Variants in NOS1AP observed in about 807,000 individuals in gnomAD.
NOS1AP encodes the protein carboxyl-terminal PDZ ligand of neuronal nitric oxide synthase protein.
In NOS1AP, 21 loss-of-function variants were observed where a neutral mutation model predicts 56.2. That is an observed-to-expected ratio of 0.37 (90% CI 0.26 to 0.54). The LOEUF is 0.54. NOS1AP is among the 20% of genes least tolerant of loss of function. NOS1AP has a pLI of 0.84. For synonymous variants in NOS1AP, 270 were observed against 274.6 expected (o/e 0.98, Z 0.17); for missense variants, 522 against 657.8 (o/e 0.79, Z 2.26).
chr1:162,145,204 T>A (rs1571060550), intron 1 of NOS1AP, among the ~76,000 whole-genome samples: 1 of 130,776 alleles, frequency 7.6e-6, no homozygotes, highest in South Asian at 2.3e-4. Context: ...AATGAAGACG[T>A]GGTGTGCAGC....
chr1:162,214,701 A>G (rs58969845), intron 2 of NOS1AP, among the ~76,000 whole-genome samples: 22,788 of 151,838 alleles, frequency 0.15, 2,091 homozygotes, highest in African/African-American at 0.25. Context: ...CTTATATTGT[A>G]TATTTGTTAT....
chr1:162,251,869 G>GTTTTTTTTTTTTTTTTTTTTTTTTTT (rs57313228), intron 2 of NOS1AP, among the ~76,000 whole-genome samples: 1 of 82,090 alleles, frequency 1.2e-5, no homozygotes, highest in Non-Finnish European at 2.2e-5. Flanking sequence ...TTTTTTTTTT[G>GTTTTTTTTTTTTTTTTTTTTTTTTTT]TTTTTTTTTT....
At chr1:162,112,778 C>G (rs1647759963) in intron 1 of NOS1AP, among the ~76,000 whole-genome samples, 1 of 152,118 alleles carries the variant, frequency 6.6e-6, no homozygotes, top group Non-Finnish European at 1.5e-5. Flanking sequence ...AATCATTTGC[C>G]CTAAGAACTC....
intron 1 of NOS1AP, among the ~76,000 whole-genome samples, chr1:162,117,566 C>T (rs766558081): frequency 7.9e-5 from 12 of 152,202 alleles, no homozygotes; most frequent in Non-Finnish European, 1.3e-4. Context: ...TTCCTGCTAC[C>T]CCTCAGCTGG....
intron 2 of NOS1AP, among the ~76,000 whole-genome samples, chr1:162,253,409 G>A (rs1286874779): frequency 6.6e-6 from 1 of 152,190 alleles, no homozygotes. Flanking sequence ...AGTTAAGTCT[G>A]TTTCTCATGG....
At chr1:162,366,844 C>CAA (rs1658101079) in intron 9 of NOS1AP, 4 of 643,400 alleles carry the variant, frequency 6.2e-6, no homozygotes, top group Non-Finnish European at 1.1e-5. Flanking sequence ...TACCACGTCC[C>CAA]AAAGCTCCTC....
intron 2 of NOS1AP, among the ~76,000 whole-genome samples, chr1:162,216,286 C>T (rs1652565510): frequency 6.6e-6 from 1 of 152,232 alleles, no homozygotes; most frequent in African/African-American, 2.4e-5. Flanking sequence ...AAGAAAAACC[C>T]TCTTTCACAC....
chr1:162,310,889 A>ACTCTCT (rs10667390), intron 4 of NOS1AP, among the ~76,000 whole-genome samples: 16 of 150,230 alleles, frequency 1.1e-4, no homozygotes, highest in Admixed American at 2.6e-4. Flanking sequence ...CTGTTCGCTG[A>ACTCTCT]CTCTCTCTCT....
At chr1:162,283,575 T>A (rs1017173711) in intron 2 of NOS1AP, among the ~76,000 whole-genome samples, 5 of 152,222 alleles carry the variant, frequency 3.3e-5, no homozygotes, top group Non-Finnish European at 5.9e-5. Flanking sequence ...TGTCTTCCAT[T>A]GAGTGTTCAC....
chr1:162,295,869 C>T (rs1655440272), intron 3 of NOS1AP, among the ~76,000 whole-genome samples: 1 of 152,110 alleles, frequency 6.6e-6, no homozygotes, highest in African/African-American at 2.4e-5. Context: ...GGAGTGACAC[C>T]TTGCTTGAGT....
At chr1:162,224,167 GA>G (rs541253703) in intron 2 of NOS1AP, among the ~76,000 whole-genome samples, 89 of 139,322 alleles carry the variant, frequency 6.4e-4, no homozygotes, top group South Asian at 1.1e-3. Flanking sequence ...TTTGGGGACA[GA>G]AAAAAAAAAA....
chr1:162,317,966 C>T (rs1284375210), intron 4 of NOS1AP, among the ~76,000 whole-genome samples: 3 of 152,186 alleles, frequency 2.0e-5, no homozygotes, highest in African/African-American at 7.2e-5. Flanking sequence ...TTAGCTACTT[C>T]ATAAGGGCCA....
intron 2 of NOS1AP, among the ~76,000 whole-genome samples, chr1:162,213,542 C>T (rs1652443180): frequency 1.3e-5 from 2 of 152,232 alleles, no homozygotes; most frequent in Admixed American, 1.3e-4. Flanking sequence ...TTTCTGTCCT[C>T]ACTGTTGAAT....
At chr1:162,314,603 C>T (rs1013697379) in intron 4 of NOS1AP, among the ~76,000 whole-genome samples, 3 of 152,202 alleles carry the variant, frequency 2.0e-5, no homozygotes, top group East Asian at 3.8e-4. Context: ...ACACTTCTTT[C>T]CTTGTCTTCT....
intron 2 of NOS1AP, among the ~76,000 whole-genome samples, chr1:162,250,203 G>C (rs1290149303): frequency 6.6e-6 from 1 of 152,054 alleles, no homozygotes; most frequent in Non-Finnish European, 1.5e-5. Context: ...TTTCCCGAGG[G>C]GACAGTTCTA....
intron 1 of NOS1AP, among the ~76,000 whole-genome samples, chr1:162,112,462 G>A (rs1382121797): frequency 6.6e-6 from 1 of 152,154 alleles, no homozygotes; most frequent in Non-Finnish European, 1.5e-5. Flanking sequence ...ACCCCTCTGG[G>A]TTCCAATTGG....
intron 1 of NOS1AP, among the ~76,000 whole-genome samples, chr1:162,133,737 A>G (rs1262329944): frequency 6.6e-6 from 1 of 152,222 alleles, no homozygotes; most frequent in Non-Finnish European, 1.5e-5. Flanking sequence ...TATTACCTTA[A>G]TCTTATTGTC....
chr1:162,196,935 G>A (rs1651825482), intron 2 of NOS1AP, among the ~76,000 whole-genome samples: 1 of 152,064 alleles, frequency 6.6e-6, no homozygotes, highest in African/African-American at 2.4e-5. Context: ...TCCTTCTGCT[G>A]GTTCAGGCAG....
chr1:162,100,477 GTTGT>G (rs1692359826), intron 1 of NOS1AP, among the ~76,000 whole-genome samples: 1 of 152,118 alleles, frequency 6.6e-6, no homozygotes, highest in Non-Finnish European at 1.5e-5. Context: ...TTTTGATGGG[GTTGT>G]TTGTTTTTTT....
Sources: gnomAD v4.1 joint callset for allele counts (sites outside exome capture counted in the v4.1 genomes callset) on GRCh38, gnomAD v4.1.1 for gene constraint, MANE v1.5 for transcripts, NCBI Gene and HGNC (gene_info 2026-07-23, HGNC 2026-07-21) for gene names.